KIAA1217: variants seen among roughly 807,000 people sequenced by gnomAD.
The protein encoded by KIAA1217 is sickle tail protein homolog.
Under a neutral mutation model 163.9 loss-of-function variants are expected in KIAA1217, and 88 were observed. The ratio of observed to expected loss-of-function variants is 0.54; its 90% CI spans 0.45 to 0.64. The LOEUF (loss-of-function observed/expected upper bound fraction) is 0.64. KIAA1217 is among the 30% of genes least tolerant of loss of function. KIAA1217 has a pLI of 0.00. For missense variants in KIAA1217, 2,372 were observed against 2,475.0 expected, an observed-to-expected ratio of 0.96 and a Z score of 0.88; for synonymous variants, 903 against 923.1, an observed-to-expected ratio of 0.98 and a Z score of 0.39.
At chr10:24,182,437 A>ACCACACACACACACACACAC (rs755699331) in intron 2 of KIAA1217, among the ~76,000 whole-genome samples, 4 of 108,620 alleles carry the variant, frequency 3.7e-5, no homozygotes, top group African/African-American at 1.2e-4. Flanking sequence ...GCAAGACTCC[A>ACCACACACACACACACACAC]TCACACACAC....
intron 1 of KIAA1217, among the ~76,000 whole-genome samples, chr10:23,969,833 T>C (rs138458919): frequency 2.0e-5 from 3 of 152,352 alleles, no homozygotes; most frequent in South Asian, 2.1e-4. Flanking sequence ...GATAAAGACA[T>C]ACCTGAGACT....
chr10:24,087,937 TGAAAAG>T, intron 2 of KIAA1217, among the ~76,000 whole-genome samples: 1 of 127,630 alleles, frequency 7.8e-6, no homozygotes, highest in Non-Finnish European at 1.9e-5. Context: ...CTTCCCATGA[TGAAAAG>T]TAAATAGAGC....
intron 2 of KIAA1217, among the ~76,000 whole-genome samples, chr10:24,244,943 A>G (rs1346720954): frequency 6.6e-6 from 1 of 151,500 alleles, no homozygotes; most frequent in Non-Finnish European, 1.5e-5. Context: ...ACAGTCTTCA[A>G]CTTCCTGGTT....
At position 24,430,984 on chromosome 10, in the gene KIAA1217, A is replaced by C. The variant is rs535392107; in HGVS notation, c.554-2011A>C. On this transcript the variant is annotated intron_variant, in intron 3 of 20. Transcript: ENST00000376454. ...GCATCATGCATTCAACTCACTATGC[A>C]TTTCTACCTTCAGAAGGGTTGGGAG... Among the ~76,000 whole-genome samples the C allele has an allele frequency of 2.0e-5, 3 of 152,290 alleles. No individual in the cohort carries two copies. The East Asian group carries it at 5.8e-4, about 29-fold the overall frequency.
intron 1 of KIAA1217, among the ~76,000 whole-genome samples, chr10:23,965,869 A>G (rs1845046784): frequency 6.6e-6 from 1 of 152,170 alleles, no homozygotes; most frequent in Admixed American, 6.5e-5. Flanking sequence ...GGTTACCTTA[A>G]CATGTTTAAA....
chr10:23,943,816 G>A (rs1157911012), intron 1 of KIAA1217, among the ~76,000 whole-genome samples: 1 of 152,172 alleles, frequency 6.6e-6, no homozygotes, highest in Non-Finnish European at 1.5e-5. Flanking sequence ...TTTTACCAAA[G>A]TGCCAAGGCA....
At chr10:24,232,446 T>C (rs2071543760) in intron 2 of KIAA1217, among the ~76,000 whole-genome samples, 2 of 151,988 alleles carry the variant, frequency 1.3e-5, no homozygotes, top group African/African-American at 4.8e-5. Context: ...CTGCAAGAAA[T>C]CAAAATAAGA....
chr10:24,508,955 C>G (rs1017023683), intron 9 of KIAA1217, among the ~76,000 whole-genome samples: 1 of 152,264 alleles, frequency 6.6e-6, no homozygotes, highest in East Asian at 1.9e-4. Context: ...AAATATATAG[C>G]TGTCTTTCAG....
intron 2 of KIAA1217, among the ~76,000 whole-genome samples, chr10:24,285,543 G>A (rs996044019): frequency 6.6e-6 from 1 of 151,920 alleles, no homozygotes; most frequent in Non-Finnish European, 1.5e-5. Flanking sequence ...TTTATTTGTG[G>A]GTTTATTTCT....
intron 1 of KIAA1217, among the ~76,000 whole-genome samples, chr10:23,828,246 T>C (rs1837998297): frequency 6.6e-6 from 1 of 152,072 alleles, no homozygotes; most frequent in Admixed American, 6.6e-5. Flanking sequence ...CCATACCTAA[T>C]TGTGCCAGTG....
chr10:24,343,060 TTCTC>T (rs2047298853), intron 2 of KIAA1217, among the ~76,000 whole-genome samples: 1 of 152,208 alleles, frequency 6.6e-6, no homozygotes, highest in African/African-American at 2.4e-5. Flanking sequence ...GTTTCTGTCT[TTCTC>T]TAACTGCAAC....
At chr10:24,136,607 A>C (rs1023644730) in intron 2 of KIAA1217, among the ~76,000 whole-genome samples, 5 of 152,164 alleles carry the variant, frequency 3.3e-5, no homozygotes. Flanking sequence ...CCTTTGCTGA[A>C]AATATTTTTA....
At chr10:23,882,564 T>C (rs1352781396) in intron 1 of KIAA1217, among the ~76,000 whole-genome samples, 1 of 151,932 alleles carries the variant, frequency 6.6e-6, no homozygotes, top group African/African-American at 2.4e-5. Context: ...TCCCTTATAT[T>C]GATTTATTTG....
intron 2 of KIAA1217, among the ~76,000 whole-genome samples, chr10:24,153,678 A>C (rs74588276): frequency 0.026 from 3,947 of 152,254 alleles, 145 homozygotes; most frequent in African/African-American, 0.089. Flanking sequence ...CTTTCTCATT[A>C]AATGCATTGT....
intron 1 of KIAA1217, among the ~76,000 whole-genome samples, chr10:23,899,648 T>C (rs2131239915): frequency 6.6e-6 from 1 of 152,216 alleles, no homozygotes. Flanking sequence ...GGTCAACAAC[T>C]TATCTCCTGA....
chr10:23,989,883 G>T (rs1214513614), intron 1 of KIAA1217, among the ~76,000 whole-genome samples: 1 of 152,116 alleles, frequency 6.6e-6, no homozygotes, highest in African/African-American at 2.4e-5. Flanking sequence ...TCATCTTTTT[G>T]AGCCTCTTTT....
At chr10:24,171,939 A>G (rs867106744) in intron 2 of KIAA1217, among the ~76,000 whole-genome samples, 13 of 152,190 alleles carry the variant, frequency 8.5e-5, no homozygotes, top group African/African-American at 2.7e-4. Flanking sequence ...GTTTACACAC[A>G]TTGTCTTAAT....
At chr10:23,730,485 C>G (rs11013668) in intron 1 of KIAA1217, among the ~76,000 whole-genome samples, 33,128 of 151,832 alleles carry the variant, frequency 0.22, 3,829 homozygotes, top group Middle Eastern at 0.29. Context: ...GAGTATTTTG[C>G]CTTTCCATAT....
At chr10:23,743,329 G>C (rs1019179047) in intron 1 of KIAA1217, among the ~76,000 whole-genome samples, 3 of 152,026 alleles carry the variant, frequency 2.0e-5, no homozygotes, top group Admixed American at 6.5e-5. Context: ...GATTAGCCTG[G>C]TTTTCTTATT....
Sources: allele counts gnomAD v4.1 joint callset (sites outside exome capture counted in the v4.1 genomes callset), GRCh38; gene constraint gnomAD v4.1.1; transcripts MANE v1.5; gene names NCBI Gene and HGNC (gene_info 2026-07-23, HGNC 2026-07-21).